FAM53B: variants seen among roughly 807,000 people sequenced by gnomAD.
The protein encoded by FAM53B is protein FAM53B.
A neutral mutation model predicts 32.7 loss-of-function variants in FAM53B; 12 were observed. The ratio of observed to expected loss-of-function variants is 0.37; its 90% CI spans 0.24 to 0.59. The LOEUF is 0.59. Among genes scored for constraint, FAM53B ranks in the 20% least tolerant of loss-of-function variants. The pLI, the probability that FAM53B is intolerant of heterozygous loss-of-function variation, is 0.72. For missense variants in FAM53B, 477 were observed against 577.7 expected (o/e 0.83, Z 1.79); for synonymous variants, 234 against 228.7 (o/e 1.02, Z -0.21).
chr10:124,673,206 C>T (rs1409372484), intron 4 of FAM53B, among the ~76,000 whole-genome samples: 1 of 152,134 alleles, frequency 6.6e-6, no homozygotes, highest in Non-Finnish European at 1.5e-5. Context: ...CTCCCCACCT[C>T]CCCCAGAACC....
intron 4 of FAM53B, among the ~76,000 whole-genome samples, chr10:124,626,155 G>A (rs1300213686): frequency 2.0e-5 from 3 of 152,260 alleles, no homozygotes; most frequent in South Asian, 2.1e-4. Context: ...GGCCTGGGGC[G>A]TGGCCTGCTG....
At chr10:124,683,836 G>A (rs1411553499) in intron 3 of FAM53B, among the ~76,000 whole-genome samples, 1 of 152,196 alleles carries the variant, frequency 6.6e-6, no homozygotes, top group East Asian at 1.9e-4. Context: ...AGGCAGCAAG[G>A]ACTACAAACC....
At chr10:124,683,808 T>A (rs2134069625) in intron 3 of FAM53B, among the ~76,000 whole-genome samples, 1 of 152,242 alleles carries the variant, frequency 6.6e-6, no homozygotes, top group South Asian at 2.1e-4. Flanking sequence ...AAACTGAGAT[T>A]TAACCCATGA....
At chr10:124,657,882 T>A (rs973348847) in intron 4 of FAM53B, among the ~76,000 whole-genome samples, 2 of 152,242 alleles carry the variant, frequency 1.3e-5, no homozygotes, top group African/African-American at 4.8e-5. Context: ...ACCAGCTCCA[T>A]CTGCTCCAAA....
intron 1 of FAM53B, among the ~76,000 whole-genome samples, chr10:124,728,138 C>T (rs911415491): frequency 7.2e-5 from 11 of 152,204 alleles, no homozygotes; most frequent in South Asian, 6.2e-4. Context: ...ACATTCTCAT[C>T]GGCACCACTC....
At chr10:124,679,034 C>T (rs1949753095) in intron 4 of FAM53B, among the ~76,000 whole-genome samples, 1 of 152,214 alleles carries the variant, frequency 6.6e-6, no homozygotes, top group South Asian at 2.1e-4. Context: ...CCTCAGAACC[C>T]ACACACGAAG....
intron 4 of FAM53B, among the ~76,000 whole-genome samples, chr10:124,640,589 G>A (rs936301053): frequency 1.3e-5 from 2 of 152,204 alleles, no homozygotes; most frequent in Non-Finnish European, 2.9e-5. Context: ...CTGGAGGTTC[G>A]TTCTGGTGTC....
chr10:124,625,249 A>T (rs1473287626), intron 4 of FAM53B, among the ~76,000 whole-genome samples: 1 of 152,156 alleles, frequency 6.6e-6, no homozygotes, highest in Non-Finnish European at 1.5e-5. Context: ...ATTGTTCCTG[A>T]ACACTCGGTG....
intron 4 of FAM53B, among the ~76,000 whole-genome samples, chr10:124,625,519 A>G (rs1194658163): frequency 6.6e-6 from 1 of 152,172 alleles, no homozygotes; most frequent in Admixed American, 6.5e-5. Context: ...CCCCTGCACA[A>G]CAGCCCCAGG....
At chr10:124,650,599 TCA>T (rs1161701899) in intron 4 of FAM53B, among the ~76,000 whole-genome samples, 2 of 152,152 alleles carry the variant, frequency 1.3e-5, no homozygotes, top group African/African-American at 4.8e-5. Context: ...ACGCTGCAGC[TCA>T]GAGTTTACCT....
intron 2 of FAM53B, among the ~76,000 whole-genome samples, chr10:124,698,226 C>T (rs1000296308): frequency 6.6e-6 from 1 of 152,172 alleles, no homozygotes; most frequent in Non-Finnish European, 1.5e-5. Flanking sequence ...GAGAAGGTAA[C>T]CCAGGGTGGG....
chr10:124,673,400 T>G (rs927096115), intron 4 of FAM53B, among the ~76,000 whole-genome samples: 16 of 152,208 alleles, frequency 1.1e-4, no homozygotes, highest in African/African-American at 3.6e-4. Context: ...AACCCACCCA[T>G]GAGAACTTGC....
chr10:124,635,091 TA>T (rs1949420344), intron 4 of FAM53B, among the ~76,000 whole-genome samples: 1 of 55,706 alleles, frequency 1.8e-5, no homozygotes, highest in Non-Finnish European at 6.4e-5. Context: ...TTTTATTTTT[TA>T]TTTTTATTTT....
chr10:124,645,450 G>C (rs1197810737), intron 4 of FAM53B, among the ~76,000 whole-genome samples: 1 of 152,188 alleles, frequency 6.6e-6, no homozygotes, highest in Non-Finnish European at 1.5e-5. Context: ...CACGCCGGCA[G>C]CATTCCCCAC....
intron 2 of FAM53B, among the ~76,000 whole-genome samples, chr10:124,697,188 G>A (rs1220992605): frequency 3.3e-5 from 5 of 152,246 alleles, no homozygotes; most frequent in South Asian, 4.1e-4. Flanking sequence ...CAGTGGGCAC[G>A]GGCTGGTGAT....
At chr10:124,655,105 T>G (rs560970782) in intron 4 of FAM53B, among the ~76,000 whole-genome samples, 1 of 152,270 alleles carries the variant, frequency 6.6e-6, no homozygotes, top group African/African-American at 2.4e-5. Flanking sequence ...GGCTGCCTCC[T>G]CAGGCCCAGC....
chr10:124,684,411 A>G (rs1488408010), intron 3 of FAM53B, among the ~76,000 whole-genome samples: 1 of 152,270 alleles, frequency 6.6e-6, no homozygotes, highest in African/African-American at 2.4e-5. Context: ...TTGTTCAAAC[A>G]TGCTTCACCA....
intron 4 of FAM53B, among the ~76,000 whole-genome samples, chr10:124,644,916 G>A (rs906561736): frequency 2.6e-5 from 4 of 152,326 alleles, no homozygotes; most frequent in Admixed American, 6.5e-5. Flanking sequence ...GTAGGTGATG[G>A]TGGCCCCTCC....
intron 4 of FAM53B, among the ~76,000 whole-genome samples, chr10:124,677,780 G>T (rs988600114): frequency 6.6e-6 from 1 of 152,244 alleles, no homozygotes; most frequent in Non-Finnish European, 1.5e-5. Context: ...CCATTAACTG[G>T]ACAGCTGTGC....
Sources: gnomAD v4.1 joint callset for allele counts (sites outside exome capture counted in the v4.1 genomes callset) on GRCh38, gnomAD v4.1.1 for gene constraint, MANE v1.5 for transcripts, NCBI Gene and HGNC (gene_info 2026-07-23, HGNC 2026-07-21) for gene names.